Variants in ARMH3 observed in about 807,000 individuals in gnomAD.
The protein encoded by ARMH3 is armadillo like helical domain containing 3.
In ARMH3, 60 loss-of-function variants were observed where a neutral mutation model predicts 99.1. The ratio of observed to expected loss-of-function variants is 0.61; its 90% CI spans 0.49 to 0.75. The LOEUF (loss-of-function observed/expected upper bound fraction) is 0.75, where lower values mean the gene tolerates loss of function less well. Ranked by LOEUF, ARMH3 falls within the 30% of genes least tolerant of loss-of-function variation. The pLI, the probability that ARMH3 is intolerant of heterozygous loss-of-function variation, is 0.00. For missense variants in ARMH3, 679 were observed against 843.1 expected, an observed-to-expected ratio of 0.81 and a Z score of 2.41; for synonymous variants, 285 against 292.8, an observed-to-expected ratio of 0.97 and a Z score of 0.27.
At chr10:101,852,939 A>T (rs180995876) in intron 24 of ARMH3, among the ~76,000 whole-genome samples, 4 of 151,008 alleles carry the variant, frequency 2.6e-5, no homozygotes, top group African/African-American at 9.7e-5. Flanking sequence ...GCTGAAGTGC[A>T]ATGGCGCTAT....
chr10:101,974,252 C>T (rs61873609), intron 20 of ARMH3, among the ~76,000 whole-genome samples: 8,941 of 152,228 alleles, frequency 0.059, 274 homozygotes, highest in Middle Eastern at 0.099. Context: ...GAAAGCCAAA[C>T]TGGGTTGGGA....
intron 14 of ARMH3, among the ~76,000 whole-genome samples, chr10:102,003,000 TAAAA>T (rs1206863019): frequency 7.1e-6 from 1 of 140,362 alleles, no homozygotes; most frequent in African/African-American, 2.6e-5. Flanking sequence ...AATAAATAAA[TAAAA>T]ACAGATGAAC....
At chr10:101,970,521 C>G (rs1026121677) in intron 20 of ARMH3, among the ~76,000 whole-genome samples, 6 of 152,136 alleles carry the variant, frequency 3.9e-5, no homozygotes, top group Non-Finnish European at 8.8e-5. Context: ...TATCTGAGTT[C>G]CTATTAAAAA....
intron 14 of ARMH3, among the ~76,000 whole-genome samples, chr10:102,003,313 C>A (rs1267311188): frequency 2.0e-5 from 3 of 152,070 alleles, no homozygotes; most frequent in Non-Finnish European, 4.4e-5. Context: ...CAGGCACCCA[C>A]CACCATGCCC....
intron 23 of ARMH3, among the ~76,000 whole-genome samples, chr10:101,914,487 CAAAA>C (rs60601721): frequency 2.9e-5 from 3 of 104,102 alleles, no homozygotes; most frequent in African/African-American, 7.1e-5. Context: ...GACTCTGTCT[CAAAA>C]AAAAAAAAAA....
At chr10:101,991,838 A>T in intron 18 of ARMH3, 131 bp downstream of exon 18, 1 of 938,030 alleles carries the variant, frequency 1.1e-6, no homozygotes, top group Non-Finnish European at 1.7e-6. Flanking sequence ...CATGATTCTT[A>T]GGCCAGGGAA....
chr10:101,863,264 C>T (rs2066915143), intron 24 of ARMH3, among the ~76,000 whole-genome samples: 1 of 151,902 alleles, frequency 6.6e-6, no homozygotes, highest in Non-Finnish European at 1.5e-5. Context: ...TAATATCTGA[C>T]AAAGGAAACT....
In ARMH3 at chr10:101,977,411, A is replaced by T. The variant is rs566864368; in HGVS notation, c.1407-2111T>A. On this transcript the variant is annotated intron_variant, in intron 19 of 25. Transcript: ENST00000370033. ...ATACTGATGAAACTTACTTCCTAAA[A>T]ATACAAATAATTTAATAAAAAAAAA... Among the ~76,000 whole-genome samples the T allele has an allele frequency of 2.0e-5, 3 of 152,326 alleles. No individual in the cohort carries two copies. The East Asian group carries it at 5.8e-4, about 29-fold the overall frequency.
At chr10:101,936,043 G>C (rs568603869) in intron 23 of ARMH3, among the ~76,000 whole-genome samples, 1 of 152,230 alleles carries the variant, frequency 6.6e-6, no homozygotes, top group South Asian at 2.1e-4. Context: ...ACTGGAGTAC[G>C]TACTTCCAAG....
At chr10:101,881,352 A>C (rs905776869) in intron 24 of ARMH3, among the ~76,000 whole-genome samples, 9 of 152,066 alleles carry the variant, frequency 5.9e-5, no homozygotes, top group Non-Finnish European at 1.3e-4. Flanking sequence ...AAAGAACACC[A>C]CCTTCAAGAT....
intron 15 of ARMH3, among the ~76,000 whole-genome samples, chr10:101,997,696 T>A (rs1847125252): frequency 1.3e-5 from 2 of 152,120 alleles, no homozygotes; most frequent in Admixed American, 6.6e-5. Flanking sequence ...AGTTGGGTGG[T>A]AGGTTCACAT....
intron 4 of ARMH3, chr10:102,032,792 G>T: frequency 2.2e-6 from 1 of 451,470 alleles, no homozygotes; most frequent in Non-Finnish European, 3.8e-6. Context: ...TTCTGTCTAA[G>T]AATCTACTTT....
intron 19 of ARMH3, among the ~76,000 whole-genome samples, chr10:101,986,675 G>C (rs1301847019): frequency 6.6e-6 from 1 of 152,090 alleles, no homozygotes; most frequent in Non-Finnish European, 1.5e-5. Context: ...GCCGAAAAGG[G>C]GTACATAATG....
At chr10:101,915,291 C>T (rs774102409) in intron 23 of ARMH3, among the ~76,000 whole-genome samples, 1 of 152,166 alleles carries the variant, frequency 6.6e-6, no homozygotes, top group African/African-American at 2.4e-5. Flanking sequence ...CTGAAAGACC[C>T]AGGGACATTT....
At chr10:101,984,318 GA>G in intron 19 of ARMH3, among the ~76,000 whole-genome samples, 1 of 152,280 alleles carries the variant, frequency 6.6e-6, no homozygotes, top group African/African-American at 2.4e-5. Context: ...GTCACTTAAT[GA>G]TGCCCTTGTT....
At chr10:101,896,442 G>A (rs2067837753) in intron 23 of ARMH3, among the ~76,000 whole-genome samples, 1 of 152,186 alleles carries the variant, frequency 6.6e-6, no homozygotes, top group African/African-American at 2.4e-5. Context: ...AATAGGGAGT[G>A]ACTGCTATTG....
At chr10:101,971,826 C>A (rs1351823328) in intron 20 of ARMH3, among the ~76,000 whole-genome samples, 2 of 152,172 alleles carry the variant, frequency 1.3e-5, no homozygotes, top group African/African-American at 4.8e-5. Flanking sequence ...CAGTTTTCTA[C>A]CTCTATCAGT....
At chr10:102,043,251 C>G (rs2067464903) in intron 1 of ARMH3, among the ~76,000 whole-genome samples, 1 of 152,162 alleles carries the variant, frequency 6.6e-6, no homozygotes, top group Non-Finnish European at 1.5e-5. Flanking sequence ...AAGCAACCAG[C>G]AGAACTGAGA....
intron 24 of ARMH3, among the ~76,000 whole-genome samples, chr10:101,882,327 G>C (rs2067439612): frequency 6.6e-6 from 1 of 152,174 alleles, no homozygotes; most frequent in Admixed American, 6.5e-5. Flanking sequence ...CTTCTGTAAA[G>C]GTCTGCTATG....
Sources: gnomAD v4.1 joint callset for allele counts (sites outside exome capture counted in the v4.1 genomes callset) on GRCh38, gnomAD v4.1.1 for gene constraint, MANE v1.5 for transcripts, NCBI Gene and HGNC (gene_info 2026-07-23, HGNC 2026-07-21) for gene names.